Variants in DOK6 observed in about 807,000 individuals in gnomAD.
The protein encoded by DOK6 is docking protein 6, also known as downstream of tyrosine kinase 6.
Under a neutral mutation model 44.0 loss-of-function variants are expected in DOK6, and 22 were observed. The ratio of observed to expected loss-of-function variants is 0.50; its 90% CI spans 0.36 to 0.71. The LOEUF (loss-of-function observed/expected upper bound fraction) is 0.71. Ranked by LOEUF, DOK6 falls within the 30% of genes least tolerant of loss-of-function variation. The pLI is 0.00. For synonymous variants in DOK6, 166 were observed against 145.5 expected (o/e 1.14, Z -1.01); for missense variants, 340 against 416.4 (o/e 0.82, Z 1.60).
intron 7 of DOK6, among the ~76,000 whole-genome samples, chr18:69,832,034 C>T (rs540073862): frequency 5.9e-5 from 9 of 152,142 alleles, no homozygotes; most frequent in East Asian, 1.9e-4. Flanking sequence ...CTTTCTTTTG[C>T]GTAATTGCTC....
intron 1 of DOK6, among the ~76,000 whole-genome samples, chr18:69,470,530 T>C (rs1980068458): frequency 1.3e-5 from 2 of 152,120 alleles, no homozygotes; most frequent in African/African-American, 4.8e-5. Context: ...CCTCAGTCAT[T>C]TATTCTAGGT....
chr18:69,646,916 T>C (rs1985088721), intron 3 of DOK6, among the ~76,000 whole-genome samples: 1 of 152,188 alleles, frequency 6.6e-6, no homozygotes, highest in Admixed American at 6.5e-5. Context: ...TTGCTAAGCA[T>C]GCTCCTCCAC....
intron 2 of DOK6, among the ~76,000 whole-genome samples, chr18:69,574,034 C>G (rs113895535): frequency 3.3e-5 from 5 of 152,086 alleles, no homozygotes; most frequent in African/African-American, 1.2e-4. Context: ...TGCCTCTGTG[C>G]TACCAAGGAA....
intron 1 of DOK6, among the ~76,000 whole-genome samples, chr18:69,458,123 A>C (rs1417891694): frequency 6.6e-6 from 1 of 152,156 alleles, no homozygotes; most frequent in Non-Finnish European, 1.5e-5. Context: ...ATGCCATTGC[A>C]CTCCAGCCTG....
rs1982219436 is a variant in DOK6, at chr18:69,841,486, A to C, written c.*103A>C. ...GAAGACCAATTGCAGTACAAATTGA[A>C]ATGGGTCGGCTCTAGCCCCAGTCCC... On this transcript the variant is annotated 3_prime_UTR_variant, in exon 8 of 8. Transcript: ENST00000382713. 6.6e-7 allele frequency: 1 copy of C among 1,504,374 alleles called. No homozygotes were observed. The allele number at this position is 1,504,374 out of a possible 1,614,324, so 93.2% of individuals were successfully genotyped here.
chr18:69,483,384 A>G (rs1980484620), intron 1 of DOK6, among the ~76,000 whole-genome samples: 1 of 152,028 alleles, frequency 6.6e-6, no homozygotes, highest in African/African-American at 2.4e-5. Context: ...CAATTGCCAT[A>G]AAAGGAGTAA....
intron 5 of DOK6, among the ~76,000 whole-genome samples, chr18:69,717,967 ATAGAG>A (rs1442995445): frequency 6.6e-6 from 1 of 152,226 alleles, no homozygotes; most frequent in Non-Finnish European, 1.5e-5. Flanking sequence ...AAAAATATTA[ATAGAG>A]TAATGTGTTT....
intron 1 of DOK6, among the ~76,000 whole-genome samples, chr18:69,438,499 C>T (rs1436675538): frequency 6.6e-6 from 1 of 152,140 alleles, no homozygotes; most frequent in Non-Finnish European, 1.5e-5. Flanking sequence ...GTCTTGAACT[C>T]CTCAAAGTCA....
intron 5 of DOK6, among the ~76,000 whole-genome samples, chr18:69,711,073 T>C (rs7226703): frequency 0.093 from 14,133 of 152,178 alleles, 880 homozygotes; most frequent in Non-Finnish European, 0.13. Context: ...ACCCTTCAAA[T>C]AGAGGTGAGA....
At chr18:69,647,859 C>G (rs1007295370) in intron 3 of DOK6, among the ~76,000 whole-genome samples, 1 of 152,092 alleles carries the variant, frequency 6.6e-6, no homozygotes, top group South Asian at 2.1e-4. Context: ...GGATGAGAAG[C>G]AGAGAAATGC....
intron 5 of DOK6, among the ~76,000 whole-genome samples, chr18:69,722,493 G>C (rs1464231374): frequency 6.6e-6 from 1 of 152,144 alleles, no homozygotes. Flanking sequence ...TCTCAGAGAG[G>C]CTTGTAGAAG....
chr18:69,701,319 G>A (rs756015137), intron 5 of DOK6, among the ~76,000 whole-genome samples: 7 of 152,222 alleles, frequency 4.6e-5, no homozygotes, highest in Non-Finnish European at 8.8e-5. Flanking sequence ...TCAGCTCGGA[G>A]CAATTGCTCT....
intron 1 of DOK6, among the ~76,000 whole-genome samples, chr18:69,542,760 T>C (rs1003247367): frequency 6.6e-6 from 1 of 151,580 alleles, no homozygotes; most frequent in Non-Finnish European, 1.5e-5. Context: ...CTTGAAGTTA[T>C]TTCTTCCATG....
At chr18:69,516,962 C>T (rs531512290) in intron 1 of DOK6, among the ~76,000 whole-genome samples, 69 of 152,044 alleles carry the variant, frequency 4.5e-4, no homozygotes, top group African/African-American at 1.6e-3. Flanking sequence ...GATTACAGGC[C>T]TGAACCACCA....
At chr18:69,804,952 G>A (rs1382994672) in intron 7 of DOK6, among the ~76,000 whole-genome samples, 1 of 152,120 alleles carries the variant, frequency 6.6e-6, no homozygotes, top group Admixed American at 6.6e-5. Flanking sequence ...ACGTACGAAG[G>A]AATATGAACA....
chr18:69,560,568 G>T (rs4569385), intron 1 of DOK6, among the ~76,000 whole-genome samples: 13,716 of 152,056 alleles, frequency 0.09, 729 homozygotes, highest in South Asian at 0.16. Flanking sequence ...TCGTAATTAT[G>T]AAAATCATTT....
chr18:69,439,519 A>G (rs576235215), intron 1 of DOK6, among the ~76,000 whole-genome samples: 2 of 152,338 alleles, frequency 1.3e-5, no homozygotes, highest in African/African-American at 4.8e-5. Flanking sequence ...AGCCACCTTC[A>G]TCAATGATCT....
chr18:69,710,856 T>C (rs1986739388), intron 5 of DOK6, among the ~76,000 whole-genome samples: 1 of 152,250 alleles, frequency 6.6e-6, no homozygotes, highest in African/African-American at 2.4e-5. Context: ...ATGAAATAGG[T>C]AGCTTGGTTT....
chr18:69,546,182 CA>C (rs1982398869), intron 1 of DOK6, among the ~76,000 whole-genome samples: 1 of 150,236 alleles, frequency 6.7e-6, no homozygotes, highest in Non-Finnish European at 1.5e-5. Context: ...GAGGCTGAGG[CA>C]GAAGAATCGC....
Sources: allele counts gnomAD v4.1 joint callset (sites outside exome capture counted in the v4.1 genomes callset), GRCh38; gene constraint gnomAD v4.1.1; transcripts MANE v1.5; gene names NCBI Gene and HGNC (gene_info 2026-07-23, HGNC 2026-07-21).